The following CCDC32 variants were observed in gnomAD, a reference collection of about 807,000 sequenced individuals.
CCDC32 encodes the protein coiled-coil domain containing 32, also known as coiled-coil domain-containing protein 32.
Under a neutral mutation model 20.1 loss-of-function variants are expected in CCDC32, and 9 were observed. The ratio of observed to expected loss-of-function variants is 0.45; its 90% CI spans 0.27 to 0.78. The LOEUF is 0.78. Among genes scored for constraint, CCDC32 ranks in the 30% least tolerant of loss-of-function variants. The pLI, the probability that CCDC32 is intolerant of heterozygous loss-of-function variation, is 0.16. For missense variants in CCDC32, 204 were observed against 215.5 expected, an observed-to-expected ratio of 0.95 and a Z score of 0.33; for synonymous variants, 63 against 79.0, an observed-to-expected ratio of 0.80 and a Z score of 1.07.
intron 3 of CCDC32, among the ~76,000 whole-genome samples, chr15:40,547,115 T>C (rs892255647): frequency 2.0e-5 from 3 of 152,090 alleles, no homozygotes; most frequent in African/African-American, 7.2e-5. Flanking sequence ...CCTGTTGGTC[T>C]GGGGGGTTGA....
chr15:40,525,811 C>G (rs185163639), downstream of CCDC32, among the ~76,000 whole-genome samples: 25 of 152,350 alleles, frequency 1.6e-4, no homozygotes, highest in Admixed American at 1.6e-3. Context: ...CCTGGGTTCT[C>G]CAAGCCTTAG....
At chr15:40,561,632 T>A (rs1002529305) in intron 2 of CCDC32, among the ~76,000 whole-genome samples, 4 of 151,936 alleles carry the variant, frequency 2.6e-5, no homozygotes, top group African/African-American at 9.7e-5. Context: ...TGCACTAAAA[T>A]CTCAGACTTC....
At chr15:40,552,770 TC>T (rs1889947935), downstream of CCDC32, 1 of 3,106 alleles carries the variant, frequency 3.2e-4, no homozygotes, top group African/African-American at 5.3e-4. Context: ...AAGTGCGACC[TC>T]AAAAAAAAAA....
chr15:40,559,947 A>G (rs944306441), intron 2 of CCDC32, among the ~76,000 whole-genome samples: 1 of 152,246 alleles, frequency 6.6e-6, no homozygotes, highest in Admixed American at 6.5e-5. Flanking sequence ...CAAGATGGAT[A>G]TAAGACTTGA....
At chr15:40,542,490 A>G (rs1028820280) in intron 3 of CCDC32, among the ~76,000 whole-genome samples, 4 of 152,204 alleles carry the variant, frequency 2.6e-5, no homozygotes, top group African/African-American at 9.6e-5. Context: ...CCCTGTTGCA[A>G]GAATGGCACC....
At chr15:40,523,869 A>G (rs1189538246), downstream of CCDC32, among the ~76,000 whole-genome samples, 1 of 152,230 alleles carries the variant, frequency 6.6e-6, no homozygotes, top group Non-Finnish European at 1.5e-5. Flanking sequence ...TGGGACAACC[A>G]CTTTAGAAAA....
intron 2 of CCDC32, among the ~76,000 whole-genome samples, chr15:40,559,344 T>A (rs1890467429): frequency 6.6e-6 from 1 of 152,194 alleles, no homozygotes; most frequent in South Asian, 2.1e-4. Flanking sequence ...CACATCGGCC[T>A]CTCAGAGCGC....
downstream of CCDC32, among the ~76,000 whole-genome samples, chr15:40,550,261 A>C (rs1486871475): frequency 6.6e-6 from 1 of 152,148 alleles, no homozygotes; most frequent in Non-Finnish European, 1.5e-5. Context: ...CATTTGCTCT[A>C]ACTTGCTGTC....
At chr15:40,527,338 T>C (rs1199176027), downstream of CCDC32, among the ~76,000 whole-genome samples, 1 of 152,150 alleles carries the variant, frequency 6.6e-6, no homozygotes, top group East Asian at 1.9e-4. Context: ...GCCTATCTAA[T>C]TTTTGTATTT....
At chr15:40,532,723 T>C (rs929687051), downstream of CCDC32, among the ~76,000 whole-genome samples, 2 of 141,614 alleles carry the variant, frequency 1.4e-5, no homozygotes, top group East Asian at 2.0e-4. Context: ...TCTTTTTTTT[T>C]TTTTTTTTTT....
chr15:40,526,445 G>A (rs748119761), downstream of CCDC32, among the ~76,000 whole-genome samples: 1 of 152,098 alleles, frequency 6.6e-6, no homozygotes, highest in Non-Finnish European at 1.5e-5. Context: ...TCACATGGTA[G>A]TCCATAGCAA....
downstream of CCDC32, among the ~76,000 whole-genome samples, chr15:40,550,678 T>G (rs1222703972): frequency 6.6e-6 from 1 of 152,222 alleles, no homozygotes; most frequent in East Asian, 1.9e-4. Context: ...CGCTGTCACC[T>G]CTAAATCAAT....
chr15:40,531,762 A>G (rs1409859655), downstream of CCDC32: 2 of 152,220 alleles, frequency 1.3e-5, no homozygotes, highest in Admixed American at 6.6e-5. Context: ...CCACAGACAC[A>G]CATCACCACA....
At chr15:40,543,159 G>T (rs906522420) in intron 3 of CCDC32, among the ~76,000 whole-genome samples, 2 of 151,482 alleles carry the variant, frequency 1.3e-5, no homozygotes, top group Non-Finnish European at 2.9e-5. Flanking sequence ...AAACAAAATG[G>T]AAAAGAAAGA....
downstream of CCDC32, chr15:40,531,267 G>A (rs918062640): frequency 6.0e-5 from 9 of 151,144 alleles, no homozygotes; most frequent in African/African-American, 2.2e-4. Flanking sequence ...CTTCAACACT[G>A]TGTAATATAT....
At chr15:40,545,367 C>T (rs1889574001) in intron 3 of CCDC32, among the ~76,000 whole-genome samples, 1 of 152,264 alleles carries the variant, frequency 6.6e-6, no homozygotes, top group African/African-American at 2.4e-5. Context: ...ATCCCTCTCA[C>T]CTTTGCCTCC....
chr15:40,526,136 A>G (rs950088866), downstream of CCDC32, among the ~76,000 whole-genome samples: 2 of 152,152 alleles, frequency 1.3e-5, no homozygotes, highest in African/African-American at 2.4e-5. Context: ...AGAGCCAGAG[A>G]AAGTTAAAGC....
chr15:40,549,339 C>G (rs1057387912), downstream of CCDC32, among the ~76,000 whole-genome samples: 1 of 152,222 alleles, frequency 6.6e-6, no homozygotes, highest in Admixed American at 6.5e-5. Context: ...TTCCATCCTC[C>G]AAGTTCCCTT....
At position 40,556,366 on chromosome 15, in the gene CCDC32, TTATA is replaced by T. The variant is rs146308584; in HGVS notation, c.401+846_401+849del. Among the ~76,000 whole-genome samples, 561 of 152,300 alleles carry T rather than the reference TTATA, an allele frequency of 3.7e-3. 7 individuals carry two copies. In the South Asian group the frequency reaches 0.054, roughly 15 times the overall value. Reference sequence around the variant, plus strand: ...ATGCCTGGTATTGTTAGGTATGTCTTTATATATATTTGTCATCTGCCCTCAAGTA... The same window carrying T: ...ATGCCTGGTATTGTTAGGTATGTCTTTATATTTGTCATCTGCCCTCAAGTA... On this transcript the variant is annotated intron_variant, in intron 3 of 3. Transcript: ENST00000416810.
Sources: gnomAD v4.1 joint callset for allele counts (sites outside exome capture counted in the v4.1 genomes callset) on GRCh38, gnomAD v4.1.1 for gene constraint, MANE v1.5 for transcripts, NCBI Gene and HGNC (gene_info 2026-07-23, HGNC 2026-07-21) for gene names.